The following CHRM3 variants were observed in gnomAD, a reference collection of about 807,000 sequenced individuals.
CHRM3 encodes muscarinic acetylcholine receptor M3.
In CHRM3, 11 loss-of-function variants were observed where a neutral mutation model predicts 41.8. The observed-to-expected ratio is 0.26, with a 90% CI of 0.17 to 0.44. The LOEUF (loss-of-function observed/expected upper bound fraction) is 0.44. Ranked by LOEUF, CHRM3 falls within the 20% of genes least tolerant of loss-of-function variation. The pLI is 1.00. For missense variants in CHRM3, 571 were observed against 745.4 expected, an observed-to-expected ratio of 0.77 and a Z score of 2.72; for synonymous variants, 297 against 301.4, an observed-to-expected ratio of 0.99 and a Z score of 0.15.
At chr1:239,885,743 C>G (rs918742255) in intron 6 of CHRM3, among the ~76,000 whole-genome samples, 1 of 152,162 alleles carries the variant, frequency 6.6e-6, no homozygotes, top group African/African-American at 2.4e-5. Context: ...CTGCGCTGAC[C>G]TTCCCCTTCA....
chr1:239,580,708 C>T (rs71535320), intron 3 of CHRM3, among the ~76,000 whole-genome samples: 51,931 of 91,400 alleles, frequency 0.57, 13,787 homozygotes, highest in Non-Finnish European at 0.68. Context: ...TATATATACA[C>T]ACACACACAC....
intron 1 of CHRM3, among the ~76,000 whole-genome samples, chr1:239,415,203 G>A (rs956743966): frequency 1.4e-4 from 21 of 152,142 alleles, no homozygotes; most frequent in Admixed American, 1.3e-3. Context: ...ACTTTGGGAG[G>A]CCAAGGCAGG....
chr1:239,637,349 C>A (rs1333833156), intron 4 of CHRM3, among the ~76,000 whole-genome samples: 1 of 151,970 alleles, frequency 6.6e-6, no homozygotes, highest in Non-Finnish European at 1.5e-5. Context: ...TCCAGTATTT[C>A]ACGTTAAAAA....
intron 5 of CHRM3, among the ~76,000 whole-genome samples, chr1:239,714,813 T>G (rs1423119235): frequency 6.6e-6 from 1 of 152,052 alleles, no homozygotes; most frequent in East Asian, 1.9e-4. Flanking sequence ...GTTTGGGGAT[T>G]TTAGATGCCT....
At chr1:239,857,390 T>A (rs1424489536) in intron 6 of CHRM3, among the ~76,000 whole-genome samples, 1 of 152,194 alleles carries the variant, frequency 6.6e-6, no homozygotes, top group East Asian at 1.9e-4. Flanking sequence ...TAGTTTATTA[T>A]GATACTACCA....
chr1:239,794,272 G>T (rs558755334), intron 5 of CHRM3, among the ~76,000 whole-genome samples: 133 of 152,058 alleles, frequency 8.7e-4, no homozygotes, highest in Non-Finnish European at 1.6e-3. Flanking sequence ...ATGAGATGTG[G>T]TTTTTTCTAA....
intron 3 of CHRM3, chr1:239,606,191 C>T: frequency 6.6e-6 from 1 of 151,560 alleles, no homozygotes; most frequent in African/African-American, 2.4e-5. Context: ...TTAAAAGATA[C>T]TGTTTAATTA....
At chr1:239,735,147 C>T (rs1346438958) in intron 5 of CHRM3, among the ~76,000 whole-genome samples, 1 of 152,134 alleles carries the variant, frequency 6.6e-6, no homozygotes, top group Non-Finnish European at 1.5e-5. Context: ...CTGAGGTTAA[C>T]ATCTCTAATG....
intron 4 of CHRM3, among the ~76,000 whole-genome samples, chr1:239,657,708 T>C (rs1476436800): frequency 6.6e-6 from 1 of 152,240 alleles, no homozygotes; most frequent in African/African-American, 2.4e-5. Flanking sequence ...ATTTTGATCC[T>C]GTGATTTGAA....
intron 6 of CHRM3, among the ~76,000 whole-genome samples, chr1:239,843,122 GTAA>G (rs1408089960): frequency 6.6e-6 from 1 of 152,052 alleles, no homozygotes; most frequent in Non-Finnish European, 1.5e-5. Context: ...TACTATCCAG[GTAA>G]TATAAATTTA....
At chr1:239,819,442 G>A (rs1402347231) in intron 5 of CHRM3, among the ~76,000 whole-genome samples, 3 of 152,208 alleles carry the variant, frequency 2.0e-5, no homozygotes, top group African/African-American at 7.2e-5. Flanking sequence ...GTCCACAGTT[G>A]CTTCTAGCTC....
chr1:239,491,711 T>C (rs1282028341), intron 1 of CHRM3, among the ~76,000 whole-genome samples: 2 of 152,226 alleles, frequency 1.3e-5, no homozygotes, highest in Non-Finnish European at 2.9e-5. Flanking sequence ...CATAGTGGGA[T>C]TGCTGGATCA....
At chr1:239,595,158 C>T (rs892828537) in intron 3 of CHRM3, among the ~76,000 whole-genome samples, 1 of 152,160 alleles carries the variant, frequency 6.6e-6, no homozygotes, top group Non-Finnish European at 1.5e-5. Flanking sequence ...GACTTTTATT[C>T]CCTAAACAAT....
At chr1:239,574,929 AT>A (rs558878026) in intron 3 of CHRM3, among the ~76,000 whole-genome samples, 2 of 151,946 alleles carry the variant, frequency 1.3e-5, no homozygotes, top group South Asian at 4.1e-4. Context: ...ATTTTATTTT[AT>A]TTTGAATGGA....
chr1:239,773,103 G>C (rs766382113), intron 5 of CHRM3, among the ~76,000 whole-genome samples: 3 of 152,116 alleles, frequency 2.0e-5, no homozygotes, highest in Admixed American at 1.3e-4. Context: ...GTTTGGGAAA[G>C]TCTACAACAT....
intron 5 of CHRM3, among the ~76,000 whole-genome samples, chr1:239,815,530 T>C: frequency 6.6e-6 from 1 of 152,238 alleles, no homozygotes; most frequent in South Asian, 2.1e-4. Flanking sequence ...GTTACAGTAA[T>C]TTAAACCAAG....
At chr1:239,711,313 G>A (rs971218924) in intron 5 of CHRM3, among the ~76,000 whole-genome samples, 8 of 151,722 alleles carry the variant, frequency 5.3e-5, no homozygotes, top group African/African-American at 1.7e-4. Context: ...TTTGAGTCCC[G>A]GGTGCTCCCC....
At chr1:239,526,579 C>G (rs1670007398) in intron 2 of CHRM3, among the ~76,000 whole-genome samples, 1 of 152,162 alleles carries the variant, frequency 6.6e-6, no homozygotes. Flanking sequence ...CTGGCCTCAG[C>G]AAGCACACTG....
chr1:239,394,506 G>C (rs1659312903), intron 1 of CHRM3, among the ~76,000 whole-genome samples: 1 of 152,132 alleles, frequency 6.6e-6, no homozygotes, highest in Non-Finnish European at 1.5e-5. Flanking sequence ...TGTCATATAA[G>C]GTAATCACAG....
Sources: gnomAD v4.1 joint callset for allele counts (sites outside exome capture counted in the v4.1 genomes callset) on GRCh38, gnomAD v4.1.1 for gene constraint, MANE v1.5 for transcripts, NCBI Gene and HGNC (gene_info 2026-07-23, HGNC 2026-07-21) for gene names.